Variants in MACROH2A2 observed in about 807,000 individuals in gnomAD.
The protein encoded by MACROH2A2 is core histone macro-H2A.2.
A neutral mutation model predicts 37.6 loss-of-function variants in MACROH2A2; 6 were observed. That is an observed-to-expected ratio of 0.16 (90% confidence interval 0.09 to 0.32). The LOEUF (loss-of-function observed/expected upper bound fraction) is 0.32, where lower values mean the gene tolerates loss of function less well. MACROH2A2 is among the 10% of genes least tolerant of loss of function. The pLI is 1.00. For synonymous variants in MACROH2A2, 192 were observed against 202.7 expected, an observed-to-expected ratio of 0.95 and a Z score of 0.45; for missense variants, 290 against 485.9, an observed-to-expected ratio of 0.60 and a Z score of 3.79.
intron 8 of MACROH2A2, 118 bp from the exon 9 acceptor site, chr10:70,111,400 C>A: frequency 1.2e-6 from 1 of 835,716 alleles, no homozygotes; most frequent in South Asian, 1.8e-5. Flanking sequence ...CAAAGGAGAT[C>A]ATGCATGGAC....
chr10:70,055,474 G>T (rs989708111), intron 1 of MACROH2A2, among the ~76,000 whole-genome samples: 1 of 152,106 alleles, frequency 6.6e-6, no homozygotes, highest in Admixed American at 6.5e-5. Context: ...GAAATCCTGG[G>T]TTCAAGGGGT....
In MACROH2A2 at chr10:70,056,159, AAT is replaced by A. The variant is rs541182788; in HGVS notation, c.-60+3160_-60+3161del. Among the ~76,000 whole-genome samples the A allele has an allele frequency of 3.3e-5, 5 of 152,372 alleles. No homozygotes were observed. The South Asian group carries it at 1.0e-3, about 32-fold the overall frequency. On this transcript the variant is annotated intron_variant, in intron 1 of 8. Transcript: ENST00000373255. Reference sequence around the variant, plus strand: ...CACTAAGAGAGACAAGAACTAGAGGAATTGTCAAGAAGGGCTTTAGCCATATC... The same window carrying A: ...CACTAAGAGAGACAAGAACTAGAGGATGTCAAGAAGGGCTTTAGCCATATC...
intron 2 of MACROH2A2, among the ~76,000 whole-genome samples, chr10:70,082,142 G>A (rs1326219124): frequency 2.0e-5 from 3 of 152,188 alleles, no homozygotes; most frequent in Non-Finnish European, 4.4e-5. Context: ...GGACTCGGCC[G>A]GGCGCAGTGG....
In MACROH2A2 at chr10:70,090,173, C is replaced by T; in HGVS notation, c.279+7C>T. On this transcript the variant is annotated splice_region_variant and intron_variant, in intron 3 of 8. Coordinates refer to ENST00000373255, the MANE Select transcript of MACROH2A2 (RefSeq NM_018649.3). ...TGACGAGGAGCTCAACCAGGTATGT[C>T]TGAAGCCTTGAGGGAAGCCGTAGAA... 1 of 1,586,974 alleles carries T rather than the reference C, an allele frequency of 6.3e-7. No homozygotes were observed. The highest frequency in any genetic ancestry group is 8.7e-7 in the Non-Finnish European group (1 of 1,155,090).
chr10:70,090,578 T>G (rs1252023434), intron 3 of MACROH2A2, among the ~76,000 whole-genome samples: 1 of 152,222 alleles, frequency 6.6e-6, no homozygotes, highest in Non-Finnish European at 1.5e-5. Context: ...GAATACCCCC[T>G]TTTCACCTAC....
intron 7 of MACROH2A2, among the ~76,000 whole-genome samples, chr10:70,102,132 T>C (rs10999137): frequency 1.4e-3 from 206 of 152,286 alleles, no homozygotes; most frequent in Admixed American, 3.1e-3. Flanking sequence ...AGATGCATAA[T>C]TGGGGCACAG....
chr10:70,059,131 A>T (rs1162969323), intron 1 of MACROH2A2, among the ~76,000 whole-genome samples: 1 of 152,104 alleles, frequency 6.6e-6, no homozygotes, highest in Non-Finnish European at 1.5e-5. Flanking sequence ...TGGTTGCTCT[A>T]TCTCTGTGAA....
At chr10:70,088,224 A>G (rs939357852) in intron 2 of MACROH2A2, among the ~76,000 whole-genome samples, 35 of 151,704 alleles carry the variant, frequency 2.3e-4, no homozygotes, top group Admixed American at 1.8e-3. Context: ...ACATTCACGC[A>G]CACACACACG....
At chr10:70,058,738 G>A (rs1015998279) in intron 1 of MACROH2A2, among the ~76,000 whole-genome samples, 2 of 152,008 alleles carry the variant, frequency 1.3e-5, no homozygotes, top group Admixed American at 1.3e-4. Context: ...TAGTGGTGGT[G>A]GACCACAAAA....
intron 2 of MACROH2A2, among the ~76,000 whole-genome samples, chr10:70,085,942 A>G (rs1355834444): frequency 6.6e-6 from 1 of 152,228 alleles, no homozygotes; most frequent in Non-Finnish European, 1.5e-5. Context: ...TATATTTGCC[A>G]TAATAACATT....
chr10:70,088,737 C>T (rs970064023), intron 2 of MACROH2A2, among the ~76,000 whole-genome samples: 4 of 152,172 alleles, frequency 2.6e-5, no homozygotes, highest in African/African-American at 9.7e-5. Flanking sequence ...TTTCCTCATC[C>T]CAGAGTGTAA....
intron 2 of MACROH2A2, among the ~76,000 whole-genome samples, chr10:70,079,563 G>GCACA (rs372348727): frequency 1.9e-3 from 119 of 63,182 alleles, no homozygotes; most frequent in East Asian, 5.5e-3. Context: ...GCGCGCGCGC[G>GCACA]CGCACACACA....
Position 70,091,860 on chromosome 10 carries a change from T to C in MACROH2A2, c.383T>C (p.Leu128Pro), listed in dbSNP as rs2072246966. The C allele has an allele frequency of 6.2e-7, 1 of 1,613,560 alleles. No homozygotes were observed. The highest frequency in any genetic ancestry group is 8.5e-7 in the Non-Finnish European group (1 of 1,179,914). The stretch of plus-strand genomic sequence containing the variant: ...ACCAAAGGCAAGTCGGAAACGATCC[T>C]CTCCCCACCCCCAGAGAAAAGAGGC... ...RGTKGKSETILSPPPEKRGRK... is the reference protein window; with the variant it reads ...RGTKGKSETIPSPPPEKRGRK... The change falls in exon 4 of 9, where the codon CTC becomes CCC. Residue 128 changes from leucine (L) to proline (P), a missense_variant. Physicochemically the swap from Leu to Pro is moderately conservative, Grantham distance 98. Transcript: ENST00000373255.
intron 2 of MACROH2A2, 80 bp from the exon 3 acceptor site, chr10:70,089,980 C>T (rs2072234101): frequency 3.4e-6 from 3 of 894,116 alleles, no homozygotes; most frequent in African/African-American, 3.3e-5. Context: ...TGTGATCAAA[C>T]TTGAAGGCCA....
intron 1 of MACROH2A2, among the ~76,000 whole-genome samples, chr10:70,072,897 C>G (rs796445178): frequency 4.8e-4 from 73 of 152,260 alleles, no homozygotes; most frequent in African/African-American, 1.6e-3. Flanking sequence ...GCAGAAGTTG[C>G]AATGAGCCGA....
At position 70,075,846 on chromosome 10, in the gene MACROH2A2, A is replaced by G. The variant is rs2072136710; in HGVS notation, c.172+16A>G. 1 of 1,607,568 alleles carries G rather than the reference A, an allele frequency of 6.2e-7. No homozygotes were observed. The highest frequency in any genetic ancestry group is 1.1e-5 in the South Asian group (1 of 90,382). On this transcript the variant is annotated intron_variant, in intron 2 of 8. Transcript: ENST00000373255. This position sits in a 1 kb window ranked among gnomAD's most constrained non-coding sequence, Gnocchi z 5.0. ...TACCTGGCAGGTAATGAGGACACGC[A>G]AAGGAGGCTGCCTGCTCCCAGGTCC...
intron 1 of MACROH2A2, among the ~76,000 whole-genome samples, chr10:70,074,710 G>A (rs554309464): frequency 9.2e-5 from 14 of 152,200 alleles, no homozygotes; most frequent in African/African-American, 2.9e-4. Flanking sequence ...AACCCCTTTC[G>A]CTTGGTTCTC....
At position 70,081,068 on chromosome 10, in the gene MACROH2A2, C is replaced by CAAAAA. The variant is rs34688764; in HGVS notation, c.172+5258_172+5262dup. 3.7e-4 allele frequency among the ~76,000 whole-genome samples: 17 copies of CAAAAA among 45,828 alleles called. 1 individual carries two copies. The highest frequency in any genetic ancestry group is 1.2e-3 in the African/African-American group (14 of 11,316). 30.1% of individuals were successfully genotyped at this position (45,828 alleles called of 152,430 possible). On this transcript the variant is annotated intron_variant, in intron 2 of 8. Transcript: ENST00000373255. ...GGTGACCAAGCAAGGCCCTGTCTCT[C>CAAAAA]AAAAAAAAAAAAAAAAAAAAAAAAG... is the stretch of plus-strand genomic sequence containing the variant.
At position 70,053,558 on chromosome 10, in the gene MACROH2A2, C is replaced by T. The variant is rs1024634318; in HGVS notation, c.-60+558C>T. Reference sequence around the variant, plus strand: ...GGAGCAGCCGGGCGGAGGTTAGGGACCCGAGTCCGGGGGCGGGCCGCGCCG... The same window carrying T: ...GGAGCAGCCGGGCGGAGGTTAGGGATCCGAGTCCGGGGGCGGGCCGCGCCG... On this transcript the variant is annotated intron_variant, in intron 1 of 8. Coordinates refer to ENST00000373255, the MANE Select transcript of MACROH2A2 (RefSeq NM_018649.3). This position sits in a 1 kb window ranked among gnomAD's most constrained non-coding sequence, Gnocchi z 4.8. Among the ~76,000 whole-genome samples, 26 of 151,578 alleles carry T rather than the reference C, an allele frequency of 1.7e-4. No homozygotes were observed. The highest frequency in any genetic ancestry group is 1.5e-5 in the Non-Finnish European group (1 of 67,802).
Sources: gnomAD v4.1 joint callset for allele counts (sites outside exome capture counted in the v4.1 genomes callset) on GRCh38, gnomAD v4.1.1 for gene constraint, Gnocchi (gnomAD v3.1) non-coding constraint, MANE v1.5 for transcripts, NCBI Gene and HGNC (gene_info 2026-07-23, HGNC 2026-07-21) for gene names.